The following FAT3 variants were observed in gnomAD, a reference collection of about 807,000 sequenced individuals.
The protein encoded by FAT3 is FAT atypical cadherin 3, also known as protocadherin Fat 3.
In FAT3, 95 loss-of-function variants were observed where a neutral mutation model predicts 310.2. The observed-to-expected ratio is 0.31, with a 90% CI of 0.26 to 0.36. FAT3 has a LOEUF of 0.36. Ranked by LOEUF, FAT3 falls within the 10% of genes least tolerant of loss-of-function variation. The pLI is 1.00. For synonymous variants in FAT3, 2,314 were observed against 2,192.9 expected, an observed-to-expected ratio of 1.06 and a Z score of -1.54; for missense variants, 5,408 against 5,715.6, an observed-to-expected ratio of 0.95 and a Z score of 1.74.
At chr11:92,230,916 C>T (rs183963281) in intron 1 of FAT3, among the ~76,000 whole-genome samples, 7 of 152,318 alleles carry the variant, frequency 4.6e-5, no homozygotes, top group African/African-American at 1.4e-4. Flanking sequence ...ATAATTCTTA[C>T]TACAGCCCTA....
intron 2 of FAT3, among the ~76,000 whole-genome samples, chr11:92,524,406 A>G (rs1414562776): frequency 6.6e-6 from 1 of 152,160 alleles, no homozygotes; most frequent in Non-Finnish European, 1.5e-5. Flanking sequence ...CAAATAAAGT[A>G]TTTGTAAATG....
chr11:92,704,490 A>T (rs1428272103), intron 4 of FAT3, among the ~76,000 whole-genome samples: 1 of 152,242 alleles, frequency 6.6e-6, no homozygotes, highest in Non-Finnish European at 1.5e-5. Context: ...ATGTGACTGG[A>T]TTTGGAAAGA....
In FAT3 at chr11:92,225,084, G is replaced by T. The variant is rs1312359500; in HGVS notation, c.-108G>T. Among the ~76,000 whole-genome samples, 1 of 152,116 alleles carries T rather than the reference G, an allele frequency of 6.6e-6. No individual in the cohort carries two copies. Among genetic ancestry groups the T allele is most frequent in the Non-Finnish European group, 1.5e-5 (1 of 68,002 alleles). ...CTGCGGCGGCAGCAGCCGGGGGACC[G>T]GCTCGCCCGGAGCAAGAGCGCCGAG... is the stretch of plus-strand genomic sequence containing the variant. On this transcript the variant is annotated 5_prime_UTR_variant, in exon 1 of 28. Coordinates refer to ENST00000525166, the MANE Select transcript of FAT3 (RefSeq NM_001367949.2).
intron 2 of FAT3, among the ~76,000 whole-genome samples, chr11:92,521,704 T>G (rs1953690540): frequency 6.6e-6 from 1 of 152,148 alleles, no homozygotes; most frequent in African/African-American, 2.4e-5. Context: ...TTCTTCTACA[T>G]TTAGCTGTGG....
intron 3 of FAT3, among the ~76,000 whole-genome samples, chr11:92,613,484 G>T (rs1032146304): frequency 1.3e-5 from 2 of 152,090 alleles, no homozygotes; most frequent in Non-Finnish European, 2.9e-5. Flanking sequence ...ACGAAAACTG[G>T]TTCTGACACT....
At chr11:92,732,938 G>A (rs1945228192) in intron 4 of FAT3, among the ~76,000 whole-genome samples, 1 of 152,208 alleles carries the variant, frequency 6.6e-6, no homozygotes. Flanking sequence ...CCACTTCCCT[G>A]TGGGATAACC....
At chr11:92,676,517 G>T (rs1039479521) in intron 3 of FAT3, among the ~76,000 whole-genome samples, 4 of 152,062 alleles carry the variant, frequency 2.6e-5, no homozygotes, top group Admixed American at 6.6e-5. Flanking sequence ...ATATCCAAAG[G>T]GCCACACCTG....
intron 3 of FAT3, among the ~76,000 whole-genome samples, chr11:92,558,734 G>T (rs1438740017): frequency 6.6e-6 from 1 of 152,122 alleles, no homozygotes; most frequent in South Asian, 2.1e-4. Flanking sequence ...CCAAATAGCT[G>T]CTTTGCACCT....
chr11:92,584,821 G>T (rs929231796), intron 3 of FAT3, among the ~76,000 whole-genome samples: 1 of 151,814 alleles, frequency 6.6e-6, no homozygotes, highest in South Asian at 2.1e-4. Flanking sequence ...CATCTTCAAG[G>T]ATTGAAAAAA....
At chr11:92,391,029 T>C (rs649315) in intron 2 of FAT3, among the ~76,000 whole-genome samples, 55,662 of 151,978 alleles carry the variant, frequency 0.37, 14,496 homozygotes, top group African/African-American at 0.74. Flanking sequence ...TTGATAAAAT[T>C]CTCTACTGAG....
At chr11:92,563,528 CAA>C (rs372670499) in intron 3 of FAT3, among the ~76,000 whole-genome samples, 75 of 152,218 alleles carry the variant, frequency 4.9e-4, no homozygotes, top group African/African-American at 1.7e-3. Flanking sequence ...AAGTTTCAGT[CAA>C]GAGATATGAA....
intron 22 of FAT3, among the ~76,000 whole-genome samples, chr11:92,879,367 G>A (rs1949619479): frequency 6.6e-6 from 1 of 152,190 alleles, no homozygotes; most frequent in Admixed American, 6.5e-5. Context: ...AACATTCAGG[G>A]TGAAGCCAGT....
In FAT3 at chr11:92,352,325, C is replaced by G. The variant is rs1457967750; in HGVS notation, c.213C>G (p.Thr71=). 1.9e-6 allele frequency: 3 copies of G among 1,557,936 alleles called. No homozygotes were observed. The highest frequency in any genetic ancestry group is 1.7e-6 in the Non-Finnish European group (2 of 1,145,184). ...ACAGCCAGAGTAGAATGGGCATCACCTTAATAGATCTATCCTGGGATATCA... is the reference window on the plus strand; with the variant it reads ...ACAGCCAGAGTAGAATGGGCATCACGTTAATAGATCTATCCTGGGATATCA... The part of the protein sequence containing the change: ...YVNSQSRMGI[T]LIDLSWDIKY... The change falls in exon 2 of 28, where the codon ACC becomes ACG. Residue 71 remains threonine, a synonymous_variant. Transcript: ENST00000525166.
intron 3 of FAT3, among the ~76,000 whole-genome samples, chr11:92,695,785 C>T (rs149145549): frequency 0.018 from 2,672 of 152,124 alleles, 32 homozygotes; most frequent in Non-Finnish European, 0.028. Context: ...GACATGTGAA[C>T]AAAGGATTCT....
chr11:92,880,471 G>T (rs778488886), intron 22 of FAT3, among the ~76,000 whole-genome samples: 9 of 151,668 alleles, frequency 5.9e-5, no homozygotes, highest in Non-Finnish European at 1.2e-4. Context: ...CTGTCCCTTG[G>T]GTGGGTCTTA....
At chr11:92,637,787 A>G (rs1406956373) in intron 3 of FAT3, among the ~76,000 whole-genome samples, 1 of 152,200 alleles carries the variant, frequency 6.6e-6, no homozygotes, top group Non-Finnish European at 1.5e-5. Flanking sequence ...CCTATATACT[A>G]TGTAAATGAT....
chr11:92,747,406 G>T (rs772860888), intron 4 of FAT3, among the ~76,000 whole-genome samples: 5 of 152,222 alleles, frequency 3.3e-5, no homozygotes, highest in South Asian at 4.1e-4. Flanking sequence ...TCCTGAGGCT[G>T]CACAGAGCAG....
Position 92,831,902 on chromosome 11 carries a change from A to C in FAT3, c.9762A>C (p.Gln3254His). ...CTGAGGACACCTCCCCTGGCACCCA[A>C]GTCCTTGCTGTTTTTGCCACCAGCA... is the stretch of plus-strand genomic sequence containing the variant. ...TVPEDTSPGTQVLAVFATSKD... is the reference protein window; with the variant it reads ...TVPEDTSPGTHVLAVFATSKD... Residue 3254 changes from glutamine to histidine, a missense_variant, in exon 14 of 28, where the codon CAA becomes CAC. Physicochemically the swap from Gln to His is conservative, Grantham distance 24. This residue lies in a region of FAT3 where 4,588 missense variants were observed against 4,809.8 expected (regional missense o/e 0.95). Coordinates refer to ENST00000525166, the MANE Select transcript of FAT3 (RefSeq NM_001367949.2). 1 of 1,611,856 alleles carries C rather than the reference A, an allele frequency of 6.2e-7. No homozygotes were observed. Among genetic ancestry groups the C allele is most frequent in the Non-Finnish European group, 8.5e-7 (1 of 1,179,046 alleles).
chr11:92,598,268 T>C (rs505059), intron 3 of FAT3, among the ~76,000 whole-genome samples: 83,838 of 147,226 alleles, frequency 0.57, 25,612 homozygotes, highest in African/African-American at 0.8. Context: ...ACTCTGTCAC[T>C]CAGGCTGGAG....
Sources: gnomAD v4.1 joint callset for allele counts (sites outside exome capture counted in the v4.1 genomes callset) on GRCh38, gnomAD v4.1.1 for gene constraint, gnomAD v4.1.1 regional missense constraint, MANE v1.5 for transcripts, NCBI Gene and HGNC (gene_info 2026-07-23, HGNC 2026-07-21) for gene names.